The following TYW1B variants were observed in gnomAD, a reference collection of about 807,000 sequenced individuals.
TYW1B encodes S-adenosyl-L-methionine-dependent tRNA 4-demethylwyosine synthase TYW1B.
Under a neutral mutation model 86.9 loss-of-function variants are expected in TYW1B, and 73 were observed. The observed-to-expected ratio is 0.84, with a 90% CI of 0.70 to 1.02. The LOEUF (loss-of-function observed/expected upper bound fraction) is 1.02. TYW1B is among the 50% of genes least tolerant of loss of function. The probability of loss-of-function intolerance (pLI) is 0.00; values close to 1 mark genes in which losing one functional copy is unlikely to be tolerated. For synonymous variants in TYW1B, 248 were observed against 292.8 expected, an observed-to-expected ratio of 0.85 and a Z score of 1.56; for missense variants, 637 against 827.4, an observed-to-expected ratio of 0.77 and a Z score of 2.82.
At chr7:72,635,309 C>T (rs1202971210) in intron 11 of TYW1B, among the ~76,000 whole-genome samples, 1 of 152,208 alleles carries the variant, frequency 6.6e-6, no homozygotes, top group Non-Finnish European at 1.5e-5. Flanking sequence ...CTCAATATCA[C>T]ACTTTTAATT....
At chr7:72,787,039 G>C (rs1274462694) in intron 6 of TYW1B, among the ~76,000 whole-genome samples, 1 of 151,710 alleles carries the variant, frequency 6.6e-6, no homozygotes, top group Non-Finnish European at 1.5e-5. Flanking sequence ...TATCAATATG[G>C]GGAATGTGTA....
At chr7:72,651,319 T>TA (rs1281407229) in intron 11 of TYW1B, among the ~76,000 whole-genome samples, 2 of 152,072 alleles carry the variant, frequency 1.3e-5, no homozygotes, top group Non-Finnish European at 2.9e-5. Flanking sequence ...TATCATACCT[T>TA]AAAAAAGAAA....
At chr7:72,644,179 A>G (rs757248239) in intron 11 of TYW1B, among the ~76,000 whole-genome samples, 17 of 152,254 alleles carry the variant, frequency 1.1e-4, no homozygotes, top group African/African-American at 3.6e-4. Flanking sequence ...TAAAAACCCA[A>G]TAGCCATTGA....
intron 11 of TYW1B, among the ~76,000 whole-genome samples, chr7:72,646,850 T>G (rs1240481138): frequency 6.6e-6 from 1 of 152,196 alleles, no homozygotes; most frequent in East Asian, 1.9e-4. Flanking sequence ...TACAAGGAAT[T>G]GGTTATATTA....
chr7:72,634,906 T>C (rs1263834856), intron 11 of TYW1B, among the ~76,000 whole-genome samples: 1 of 152,244 alleles, frequency 6.6e-6, no homozygotes. Flanking sequence ...ATAAACGTAT[T>C]AGAAATAATT....
chr7:72,592,160 T>TAAAAAAAAAA (rs56146824), intron 13 of TYW1B, among the ~76,000 whole-genome samples: 7 of 103,398 alleles, frequency 6.8e-5, no homozygotes, highest in African/African-American at 2.5e-4. Context: ...ACTAATGTGT[T>TAAAAAAAAAA]AAAAAAAAAA....
At chr7:72,618,529 TA>T (rs1233110449) in intron 12 of TYW1B, among the ~76,000 whole-genome samples, 2 of 152,090 alleles carry the variant, frequency 1.3e-5, no homozygotes, top group Non-Finnish European at 2.9e-5. Flanking sequence ...ACTTAATTTT[TA>T]AAAACCAACA....
chr7:72,807,015 T>C, intron 5 of TYW1B, 51 bp downstream of exon 5: 1 of 1,581,120 alleles, frequency 6.3e-7, no homozygotes, highest in Non-Finnish European at 8.6e-7. Flanking sequence ...AAGCTCGAGA[T>C]CTCCAAGCAG....
intron 11 of TYW1B, among the ~76,000 whole-genome samples, chr7:72,678,704 G>C (rs535050195): frequency 1.5e-4 from 20 of 134,998 alleles, no homozygotes; most frequent in African/African-American, 5.5e-4. Flanking sequence ...ATCACGCCCA[G>C]CTAATTTTTG....
intron 6 of TYW1B, among the ~76,000 whole-genome samples, chr7:72,796,804 T>G (rs1192394622): frequency 6.6e-6 from 1 of 151,160 alleles, no homozygotes; most frequent in Non-Finnish European, 1.5e-5. Context: ...CTTAGTACAT[T>G]GATTATTTCT....
At chr7:72,724,129 G>A (rs1244728515) in intron 9 of TYW1B, among the ~76,000 whole-genome samples, 2 of 151,994 alleles carry the variant, frequency 1.3e-5, no homozygotes, top group African/African-American at 4.8e-5. Flanking sequence ...ATAGTCACCA[G>A]GGCTCCAAAA....
intron 7 of TYW1B, among the ~76,000 whole-genome samples, chr7:72,774,940 G>C (rs1787930424): frequency 6.6e-6 from 1 of 151,934 alleles, no homozygotes. Flanking sequence ...TATTCTATAG[G>C]CTCAAAAAGG....
intron 9 of TYW1B, among the ~76,000 whole-genome samples, chr7:72,714,577 C>T (rs1264256157): frequency 6.6e-6 from 1 of 152,044 alleles, no homozygotes; most frequent in Non-Finnish European, 1.5e-5. Flanking sequence ...GAACCACTAT[C>T]ATGCCACTGC....
chr7:72,663,761 CAA>C (rs1177247717), intron 11 of TYW1B, among the ~76,000 whole-genome samples: 42 of 57,578 alleles, frequency 7.3e-4, no homozygotes, highest in South Asian at 1.9e-3. Context: ...GACTCCATCT[CAA>C]AAAAAAAAAA....
intron 9 of TYW1B, among the ~76,000 whole-genome samples, chr7:72,724,556 C>T (rs1446575227): frequency 6.6e-6 from 1 of 152,154 alleles, no homozygotes; most frequent in African/African-American, 2.4e-5. Flanking sequence ...TCTACACCCT[C>T]CACACCTTCA....
intron 6 of TYW1B, among the ~76,000 whole-genome samples, chr7:72,798,746 G>A (rs1788353188): frequency 6.6e-6 from 1 of 152,198 alleles, no homozygotes; most frequent in Admixed American, 6.5e-5. Context: ...CAAGGTATGA[G>A]TGCCTGTTTA....
intron 10 of TYW1B, among the ~76,000 whole-genome samples, chr7:72,706,073 C>T (rs1814604709): frequency 6.6e-6 from 1 of 152,180 alleles, no homozygotes; most frequent in Non-Finnish European, 1.5e-5. Context: ...AAGTAAGCCA[C>T]TTTTAAGAGG....
chr7:72,598,776 C>T (rs530948469), intron 13 of TYW1B, among the ~76,000 whole-genome samples: 51 of 152,084 alleles, frequency 3.4e-4, no homozygotes, highest in African/African-American at 1.2e-3. Flanking sequence ...GGGGTGGGTG[C>T]TTGAGCTAAT....
intron 10 of TYW1B, among the ~76,000 whole-genome samples, chr7:72,707,908 T>A (rs1204276148): frequency 1.3e-5 from 2 of 152,218 alleles, no homozygotes; most frequent in African/African-American, 4.8e-5. Context: ...TCACGAGATG[T>A]GGTTGTTTAA....
Sources: allele counts gnomAD v4.1 joint callset (sites outside exome capture counted in the v4.1 genomes callset), GRCh38; gene constraint gnomAD v4.1.1; transcripts MANE v1.5; gene names NCBI Gene and HGNC (gene_info 2026-07-23, HGNC 2026-07-21).